Variants in CACNA1A observed in about 807,000 individuals in gnomAD.
CACNA1A encodes calcium voltage-gated channel subunit alpha1 A.
In CACNA1A, 57 loss-of-function variants were observed where a neutral mutation model predicts 262.4. The observed-to-expected ratio is 0.22, with a 90% CI of 0.18 to 0.27. CACNA1A has a LOEUF of 0.27. Among genes scored for constraint, CACNA1A ranks in the 10% least tolerant of loss-of-function variants. The probability of loss-of-function intolerance (pLI) is 1.00; values close to 1 mark genes in which losing one functional copy is unlikely to be tolerated. For synonymous variants in CACNA1A, 1,431 were observed against 1,419.3 expected, an observed-to-expected ratio of 1.01 and a Z score of -0.18; for missense variants, 2,526 against 3,562.8, an observed-to-expected ratio of 0.71 and a Z score of 7.41.
At chr19:13,409,638 A>G (rs2060074667) in intron 3 of CACNA1A, among the ~76,000 whole-genome samples, 1 of 152,006 alleles carries the variant, frequency 6.6e-6, no homozygotes, top group Non-Finnish European at 1.5e-5. Flanking sequence ...CTCCACCTTC[A>G]GGGCTCAAAT....
At chr19:13,211,696 G>A (rs2054818346) in intron 43 of CACNA1A, 1 of 228,584 alleles carries the variant, frequency 4.4e-6, no homozygotes, top group African/African-American at 2.3e-5. Context: ...CTGCACATGT[G>A]TGTGCATGTA....
chr19:13,485,314 C>T (rs1038448196), intron 1 of CACNA1A, among the ~76,000 whole-genome samples: 1 of 152,040 alleles, frequency 6.6e-6, no homozygotes, highest in Non-Finnish European at 1.5e-5. Flanking sequence ...TCCATGGCCT[C>T]AGGGTAGAAA....
chr19:13,335,537 A>G (rs373036301), intron 7 of CACNA1A, among the ~76,000 whole-genome samples: 62 of 152,322 alleles, frequency 4.1e-4, no homozygotes, highest in African/African-American at 1.4e-3. Flanking sequence ...TTATATTTGG[A>G]AAATGGGGGA....
chr19:13,214,301 C>T lies in CACNA1A; in HGVS notation c.5872G>A (p.Ala1958Thr). Residue 1958 changes from alanine (A) to threonine (T), a missense_variant, in exon 40 of 47, where the codon GCC becomes ACC. Ala to Thr is a moderately conservative substitution (Grantham distance 58). This residue lies in a region of CACNA1A where 112 missense variants were observed against 197.2 expected (regional missense o/e 0.57). Transcript: ENST00000360228. The surrounding 1 kb of genome is among the most constrained non-coding windows in gnomAD (Gnocchi z 4.1). ...CGGTAGTACTCCATGATCATCATGG[C>T]TGCGTAGATCTTCCCCACGGTGAGG... Reference protein sequence around the residue: ...TDLTVGKIYAAMMIMEYYRQS... With the variant: ...TDLTVGKIYATMMIMEYYRQS... 1 of 1,612,692 alleles carries T rather than the reference C, an allele frequency of 6.2e-7. No individual in the cohort carries two copies. Among genetic ancestry groups the T allele is most frequent in the Non-Finnish European group, 8.5e-7 (1 of 1,179,850 alleles).
intron 3 of CACNA1A, chr19:13,451,440 A>G (rs1475965198): frequency 6.6e-6 from 1 of 152,330 alleles, no homozygotes; most frequent in Non-Finnish European, 1.5e-5. Flanking sequence ...AGAGGAGAGT[A>G]GAGAGTGGGA....
intron 12 of CACNA1A, among the ~76,000 whole-genome samples, chr19:13,310,231 G>A (rs1028689322): frequency 6.6e-6 from 1 of 151,376 alleles, no homozygotes; most frequent in Non-Finnish European, 1.5e-5. Context: ...CAGGGCAGGT[G>A]GATCACCTGA....
intron 12 of CACNA1A, among the ~76,000 whole-genome samples, chr19:13,309,834 T>C (rs891617175): frequency 2.0e-5 from 3 of 152,188 alleles, no homozygotes; most frequent in African/African-American, 7.2e-5. Flanking sequence ...GAAATTCACA[T>C]AACATAAAAT....
At chr19:13,501,723 C>T (rs990000459) in intron 1 of CACNA1A, among the ~76,000 whole-genome samples, 12 of 152,160 alleles carry the variant, frequency 7.9e-5, no homozygotes, top group African/African-American at 2.9e-4. Context: ...GCTGAAGCAG[C>T]ACCTCATCAT....
At chr19:13,296,151 T>C (rs1006427769) in intron 19 of CACNA1A, among the ~76,000 whole-genome samples, 4 of 152,228 alleles carry the variant, frequency 2.6e-5, no homozygotes, top group Admixed American at 6.5e-5. Flanking sequence ...ATCAGCCTCA[T>C]CTGGGAGCTC....
intron 31 of CACNA1A, among the ~76,000 whole-genome samples, chr19:13,242,332 C>T (rs1017422603): frequency 2.0e-5 from 3 of 152,140 alleles, no homozygotes; most frequent in African/African-American, 4.8e-5. Flanking sequence ...TTCACTCTGT[C>T]GCCCAGGCTG....
intron 1 of CACNA1A, among the ~76,000 whole-genome samples, chr19:13,485,184 T>G (rs1979826455): frequency 6.6e-6 from 1 of 152,278 alleles, no homozygotes; most frequent in Admixed American, 6.5e-5. Context: ...GGGACAATTC[T>G]TATGGAATAA....
chr19:13,487,103 G>A (rs181968365), intron 1 of CACNA1A, among the ~76,000 whole-genome samples: 115 of 151,788 alleles, frequency 7.6e-4, no homozygotes, highest in East Asian at 7.2e-3. Context: ...CCTGTGGGCC[G>A]CCTGCCACTC....
chr19:13,216,692 T>A (rs2055025715), intron 38 of CACNA1A, among the ~76,000 whole-genome samples: 1 of 55,240 alleles, frequency 1.8e-5, no homozygotes, highest in South Asian at 7.3e-4. Flanking sequence ...TCTATCTATC[T>A]ATCTATCATC....
intron 1 of CACNA1A, among the ~76,000 whole-genome samples, chr19:13,483,919 T>G (rs941623484): frequency 6.6e-6 from 1 of 152,152 alleles, no homozygotes; most frequent in Non-Finnish European, 1.5e-5. Flanking sequence ...TCACAGCAAG[T>G]CAACAGGTAG....
intron 1 of CACNA1A, among the ~76,000 whole-genome samples, chr19:13,458,821 A>T (rs10408880): frequency 0.065 from 9,965 of 152,256 alleles, 378 homozygotes; most frequent in South Asian, 0.14. Flanking sequence ...GAAGTGTCCC[A>T]CGCCAACAGG....
chr19:13,276,629 T>C (rs1173392131), intron 23 of CACNA1A, among the ~76,000 whole-genome samples: 7 of 150,856 alleles, frequency 4.6e-5, no homozygotes, highest in Non-Finnish European at 1.0e-4. Context: ...GCATTTCTAA[T>C]CCTCTGGGAG....
Position 13,207,543 on chromosome 19 carries a change from C to T in CACNA1A, c.7291G>A (p.Ala2431Thr), listed in dbSNP as rs1052515747. 349 of 1,454,612 alleles carry T rather than the reference C, an allele frequency of 2.4e-4. No individual in the cohort carries two copies. Among genetic ancestry groups the T allele is most frequent in the Non-Finnish European group, 3.0e-4 (332 of 1,103,400 alleles). 90.1% of individuals were successfully genotyped at this position (1,454,612 alleles called of 1,614,324 possible). A position where few individuals can be genotyped will look rare whatever the true frequency, so the allele number is the denominator to read the frequency against. The change falls in exon 47 of 47, where the codon GCC (alanine) becomes ACC (threonine). Residue 2431 changes from alanine (A) to threonine (T), a missense_variant. Physicochemically the swap from Ala to Thr is moderately conservative, Grantham distance 58. Around this residue, in one of 17 missense-constraint regions of CACNA1A, gnomAD observed 929 missense variants for 868.1 expected, o/e 1.07. Coordinates refer to ENST00000360228, the MANE Select transcript of CACNA1A (RefSeq NM_001127222.2). The surrounding 1 kb of genome is among the most constrained non-coding windows in gnomAD (Gnocchi z 5.7). Reference sequence around the variant, plus strand: ...GGGGGTGGCGCGTCGTAGGCCCCGGCCATGGCCTCCTCGCCGCCCCCGCTG... The same window carrying T: ...GGGGGTGGCGCGTCGTAGGCCCCGGTCATGGCCTCCTCGCCGCCCCCGCTG... Reference protein sequence around the residue: ...PGSGGGEEAMAGAYDAPPPVR... With the variant: ...PGSGGGEEAMTGAYDAPPPVR...
chr19:13,364,681 C>G (rs1220104766), intron 5 of CACNA1A: 1 of 152,192 alleles, frequency 6.6e-6, no homozygotes, highest in Non-Finnish European at 1.5e-5. Context: ...CACTCTTTCG[C>G]CAGGCTGGAG....
rs1158411031 is a variant in CACNA1A at position 13,332,876 on chromosome 19, G to C, written c.1248C>G (p.Pro416=). The change falls in exon 9 of 47, where the codon CCC becomes CCG. Residue 416 remains proline (P), a synonymous_variant. Transcript: ENST00000360228. ...TGGGTTTAGAGCAGTTACCATCAAA[G>C]GGATGCCTCTGCTCCCCGTCAGTTT... ...EDETDGEQRH[P]FDALRRTTIK... The C allele has an allele frequency of 3.1e-6, 5 of 1,610,980 alleles. No individual in the cohort carries two copies. The highest frequency in any genetic ancestry group is 3.3e-5 in the Admixed American group (2 of 59,988).
Sources: allele counts gnomAD v4.1 joint callset (sites outside exome capture counted in the v4.1 genomes callset), GRCh38; gene constraint gnomAD v4.1.1; regional missense constraint gnomAD v4.1.1; non-coding constraint Gnocchi (gnomAD v3.1); transcripts MANE v1.5; gene names NCBI Gene and HGNC (gene_info 2026-07-23, HGNC 2026-07-21).